The following PCDH11X variants were observed in gnomAD, a reference collection of about 807,000 sequenced individuals.
PCDH11X encodes the protein protocadherin-11 X-linked.
A neutral mutation model predicts 53.3 loss-of-function variants in PCDH11X; 18 were observed. The observed-to-expected ratio is 0.34, with a 90% confidence interval of 0.23 to 0.50. The LOEUF is 0.50. Among genes scored for constraint, PCDH11X ranks in the 20% least tolerant of loss-of-function variants. The probability of loss-of-function intolerance (pLI) is 0.98; values close to 1 mark genes in which losing one functional copy is unlikely to be tolerated. For missense variants in PCDH11X, 570 were observed against 1,032.4 expected, an observed-to-expected ratio of 0.55 and a Z score of 6.14; for synonymous variants, 279 against 393.3, an observed-to-expected ratio of 0.71 and a Z score of 3.44.
At chrX:92,588,993 C>G (rs985259928) in intron 10 of PCDH11X, among the ~76,000 whole-genome samples, 1 of 110,977 alleles carries the variant, frequency 9.0e-6, no homozygotes, top group African/African-American at 3.3e-5. Flanking sequence ...CCCTACAGGC[C>G]AGGATAGACT....
chrX:91,823,353 T>A (rs1936772647), intron 4 of PCDH11X, among the ~76,000 whole-genome samples: 2 of 110,898 alleles, frequency 1.8e-5, no homozygotes, highest in South Asian at 7.8e-4. Context: ...TGAATCTGGG[T>A]GCTCCTGTAT....
intron 8 of PCDH11X, among the ~76,000 whole-genome samples, chrX:92,345,140 T>C (rs1363852399): frequency 9.0e-6 from 1 of 111,389 alleles, no homozygotes; most frequent in African/African-American, 3.2e-5. Flanking sequence ...CTTATAAATC[T>C]TATTAATCAA....
intron 9 of PCDH11X, among the ~76,000 whole-genome samples, chrX:92,453,218 T>G (rs2072837060): frequency 9.3e-6 from 1 of 106,962 alleles, no homozygotes; most frequent in Non-Finnish European, 1.9e-5. Flanking sequence ...ACTAGTGAAG[T>G]GGCTTATTTT....
intron 6 of PCDH11X, among the ~76,000 whole-genome samples, chrX:92,060,905 ACC>A (rs2063514664): frequency 8.9e-6 from 1 of 111,887 alleles, no homozygotes; most frequent in African/African-American, 3.2e-5. Context: ...AAATCGCCAA[ACC>A]ACTTTCCAAA....
intron 10 of PCDH11X, among the ~76,000 whole-genome samples, chrX:92,588,969 C>G (rs1032514684): frequency 3.6e-5 from 4 of 111,041 alleles, no homozygotes; most frequent in African/African-American, 1.3e-4. Context: ...TAGAAGCAGA[C>G]TTTTCAGTGA....
rs947627130 is a variant in PCDH11X at position 92,387,911 on chromosome X, T to A, written c.3321T>A (p.Asp1107Glu). Residue 1107 changes from aspartate (D) to glutamate (E), a missense_variant, in exon 9 of 11, where the codon GAT becomes GAA. Physicochemically the swap from Asp to Glu is conservative, Grantham distance 45. Coordinates refer to ENST00000682573, the MANE Select transcript of PCDH11X (RefSeq NM_032968.5). ...RATPSNRTEG[D>E]GNSDPESTFI... The stretch of plus-strand genomic sequence containing the variant: ...CACCCAGCAATCGCACTGAAGGGGA[T>A]GGCAACTCCGATCCTGAATCTAGTA... 5.8e-6 allele frequency: 7 copies of A among 1,208,329 alleles called. No individual in the cohort carries two copies. The highest frequency in any genetic ancestry group is 7.8e-6 in the Non-Finnish European group (7 of 894,666).
At chrX:92,020,129 T>A (rs1321679979) in intron 6 of PCDH11X, among the ~76,000 whole-genome samples, 1 of 112,574 alleles carries the variant, frequency 8.9e-6, no homozygotes, top group Non-Finnish European at 1.9e-5. Flanking sequence ...CGGAGCTGCA[T>A]AGATTCTCAA....
At chrX:91,869,929 A>G (rs1380433901) in intron 5 of PCDH11X, among the ~76,000 whole-genome samples, 2 of 111,780 alleles carry the variant, frequency 1.8e-5, no homozygotes, top group African/African-American at 3.2e-5. Context: ...AAAAAAGAGA[A>G]TTCTGAATTA....
chrX:92,081,186 G>T (rs2148100451), intron 6 of PCDH11X, among the ~76,000 whole-genome samples: 1 of 110,927 alleles, frequency 9.0e-6, no homozygotes, highest in Admixed American at 9.7e-5. Context: ...TGTATCAAAT[G>T]GGTCACATGA....
Position 91,964,914 on chromosome X carries a change from T to C in PCDH11X, c.3033+85641T>C, listed in dbSNP as rs904385968. Among the ~76,000 whole-genome samples the C allele has an allele frequency of 3.6e-5, 4 of 112,260 alleles. No homozygotes were observed. The Admixed American group carries it at 3.8e-4, about 11-fold the overall frequency. On this transcript the variant is annotated intron_variant, in intron 6 of 10. Coordinates refer to ENST00000682573, the MANE Select transcript of PCDH11X (RefSeq NM_032968.5). The stretch of plus-strand genomic sequence containing the variant: ...GCAGAGCTGAAGGAAACTGCTAGCG[T>C]TTAGTTTAAATGGTGCCAAACCTTA...
chrX:92,347,313 A>C (rs917843091), intron 8 of PCDH11X, among the ~76,000 whole-genome samples: 23 of 111,705 alleles, frequency 2.1e-4, no homozygotes, highest in African/African-American at 7.4e-4. Flanking sequence ...GTCATTATAT[A>C]TTCACATAGT....
At chrX:91,822,663 CT>C (rs750678366) in intron 4 of PCDH11X, among the ~76,000 whole-genome samples, 19,676 of 104,164 alleles carry the variant, frequency 0.19, 1,758 homozygotes, top group East Asian at 0.29. Context: ...TTTTTTGTGT[CT>C]CTATTTCCTT....
chrX:91,930,187 C>T (rs1422577389), intron 6 of PCDH11X, among the ~76,000 whole-genome samples: 4 of 107,519 alleles, frequency 3.7e-5, no homozygotes, highest in African/African-American at 1.3e-4. Flanking sequence ...AGTTCTAAAA[C>T]GTAGACTATT....
intron 6 of PCDH11X, among the ~76,000 whole-genome samples, chrX:92,177,215 C>A (rs1296306691): frequency 3.6e-5 from 4 of 110,367 alleles, no homozygotes; most frequent in African/African-American, 1.3e-4. Flanking sequence ...TGACCTCAAG[C>A]AATCTGCCTG....
In PCDH11X at chrX:92,306,814, G is replaced by T. The variant is rs147242142; in HGVS notation, c.3144+43671G>T. ...CACACACACAAATTAGCCGAGCGTG[G>T]TCGTGCGTGCCTGTAATCCCAGCTA... On this transcript the variant is annotated intron_variant, in intron 8 of 10. Transcript: ENST00000682573. Among the ~76,000 whole-genome samples the T allele has an allele frequency of 8.9e-3, 989 of 110,736 alleles. 4 individuals carry two copies. Among genetic ancestry groups the T allele is most frequent in the Non-Finnish European group, 0.016 (821 of 52,920 alleles).
intron 6 of PCDH11X, among the ~76,000 whole-genome samples, chrX:92,136,704 C>G (rs1405121408): frequency 9.3e-6 from 1 of 107,379 alleles, no homozygotes; most frequent in Non-Finnish European, 1.9e-5. Context: ...TGCCTACTGA[C>G]CCCTGTTGTA....
intron 8 of PCDH11X, among the ~76,000 whole-genome samples, chrX:92,321,647 G>A (rs5984172): frequency 0.45 from 49,090 of 109,996 alleles, 8,168 homozygotes; most frequent in East Asian, 0.75. Flanking sequence ...AGATCCTATG[G>A]ATAATTTGGT....
chrX:91,819,882 T>A (rs1936590605), intron 4 of PCDH11X, among the ~76,000 whole-genome samples: 3 of 95,718 alleles, frequency 3.1e-5, no homozygotes, highest in African/African-American at 7.8e-5. Context: ...CCATGTGATC[T>A]CATTGTTCAG....
intron 6 of PCDH11X, among the ~76,000 whole-genome samples, chrX:91,962,999 C>T (rs762678300): frequency 2.0e-4 from 22 of 111,160 alleles, no homozygotes; most frequent in African/African-American, 6.5e-4. Context: ...AACATTTTTC[C>T]CCCTAAGCCT....
Sources: gnomAD v4.1 joint callset for allele counts (sites outside exome capture counted in the v4.1 genomes callset) on GRCh38, gnomAD v4.1.1 for gene constraint, MANE v1.5 for transcripts, NCBI Gene and HGNC (gene_info 2026-07-23, HGNC 2026-07-21) for gene names.